The following THSD7A variants were observed in gnomAD, a reference collection of about 807,000 sequenced individuals.
The protein encoded by THSD7A is thrombospondin type 1 domain containing 7A.
THSD7A carries 96 observed loss-of-function variants against 231.3 expected under a neutral mutation model. The observed-to-expected ratio is 0.41, with a 90% CI of 0.35 to 0.49. The LOEUF (loss-of-function observed/expected upper bound fraction) is 0.49. Ranked by LOEUF, THSD7A falls within the 20% of genes least tolerant of loss-of-function variation. The probability of loss-of-function intolerance (pLI) is 0.05; values close to 1 mark genes in which losing one functional copy is unlikely to be tolerated. For missense variants in THSD7A, 2,290 were observed against 2,070.2 expected, an observed-to-expected ratio of 1.11 and a Z score of -2.06; for synonymous variants, 940 against 743.3, an observed-to-expected ratio of 1.26 and a Z score of -4.30.
intron 1 of THSD7A, among the ~76,000 whole-genome samples, chr7:11,719,292 AG>A (rs1465504771): frequency 6.6e-6 from 1 of 151,564 alleles, no homozygotes; most frequent in Non-Finnish European, 1.5e-5. Context: ...GAGTTCTCTC[AG>A]GTGACTTCTT....
intron 1 of THSD7A, among the ~76,000 whole-genome samples, chr7:11,691,064 A>G (rs1190563767): frequency 1.3e-5 from 2 of 151,676 alleles, no homozygotes; most frequent in Non-Finnish European, 3.0e-5. Flanking sequence ...GAAAATGTCC[A>G]TAATATGTTA....
intron 1 of THSD7A, among the ~76,000 whole-genome samples, chr7:11,687,844 G>T (rs1780105704): frequency 6.6e-6 from 1 of 151,618 alleles, no homozygotes; most frequent in Non-Finnish European, 1.5e-5. Flanking sequence ...TCTGCTGTCA[G>T]TTAAAATCAT....
At chr7:11,378,141 C>A (rs976979974) in intron 26 of THSD7A, 1 of 152,170 alleles carries the variant, frequency 6.6e-6, no homozygotes, top group Non-Finnish European at 1.5e-5. Context: ...AGTATTCAGA[C>A]TTAATGCATA....
intron 6 of THSD7A, among the ~76,000 whole-genome samples, chr7:11,540,868 C>T (rs982268101): frequency 2.0e-5 from 3 of 152,108 alleles, no homozygotes; most frequent in African/African-American, 7.2e-5. Context: ...CTAGGACATT[C>T]CTAAATAGTG....
intron 15 of THSD7A, among the ~76,000 whole-genome samples, chr7:11,426,074 TA>T (rs140925193): frequency 0.093 from 13,776 of 148,090 alleles, 854 homozygotes; most frequent in African/African-American, 0.17. Context: ...AAAAAAACAT[TA>T]AAAAAAAAAT....
intron 8 of THSD7A, among the ~76,000 whole-genome samples, chr7:11,472,326 G>C (rs1450836184): frequency 6.6e-6 from 1 of 152,064 alleles, no homozygotes; most frequent in African/African-American, 2.4e-5. Flanking sequence ...GGACAGATAA[G>C]ATCAATAACA....
chr7:11,406,817 CAT>C lies in THSD7A; in HGVS notation c.4062+91_4062+92del. The C allele has an allele frequency of 7.0e-7, 1 of 1,422,838 alleles. No individual in the cohort carries two copies. The highest frequency in any genetic ancestry group is 9.4e-7 in the Non-Finnish European group (1 of 1,061,754). 88.1% of individuals were successfully genotyped at this position (1,422,838 alleles called of 1,614,324 possible). A position where few individuals can be genotyped will look rare whatever the true frequency, so the allele number is the denominator to read the frequency against. ...AGCTTGTCATCTGTGAGCTCTGAAA[CAT>C]ATTTCTAACACATTATTTTTATGTT... On this transcript the variant is annotated intron_variant, in intron 21 of 27. Transcript: ENST00000423059. The surrounding 1 kb of genome is among the most constrained non-coding windows in gnomAD (Gnocchi z 4.7).
chr7:11,625,921 G>A (rs1781460351), intron 2 of THSD7A, among the ~76,000 whole-genome samples: 1 of 152,036 alleles, frequency 6.6e-6, no homozygotes, highest in South Asian at 2.1e-4. Flanking sequence ...TCACTGCCCC[G>A]ATCAGCAGCA....
At position 11,744,833 on chromosome 7, in the gene THSD7A, G is replaced by A. The variant is rs565771166; in HGVS notation, c.190+86924C>T. 4.7e-3 allele frequency among the ~76,000 whole-genome samples: 712 copies of A among 152,100 alleles called. 5 individuals carry two copies. The highest frequency in any genetic ancestry group is 0.016 in the African/African-American group (675 of 41,488). ...ATATGTGCCACATTTTCTTAATCCAGTCTATCATTTTTTGGACATTTGGCT... is the reference window on the plus strand; with the variant it reads ...ATATGTGCCACATTTTCTTAATCCAATCTATCATTTTTTGGACATTTGGCT... On this transcript the variant is annotated intron_variant, in intron 1 of 27. Transcript: ENST00000423059.
At chr7:11,679,825 C>G (rs1349722758) in intron 1 of THSD7A, among the ~76,000 whole-genome samples, 1 of 152,032 alleles carries the variant, frequency 6.6e-6, no homozygotes, top group Non-Finnish European at 1.5e-5. Context: ...TGCCTTTCTT[C>G]ATAGAATTGG....
In THSD7A at chr7:11,605,792, A is replaced by C. The variant is rs530060483; in HGVS notation, c.1023-12290T>G. On this transcript the variant is annotated intron_variant, in intron 2 of 27. Transcript: ENST00000423059. Reference sequence around the variant, plus strand: ...AGCAACTTCCAGCCCTCAGAATTGCACTGCTGTTTCTCTAAAGCTTTTTCA... The same window carrying C: ...AGCAACTTCCAGCCCTCAGAATTGCCCTGCTGTTTCTCTAAAGCTTTTTCA... Among the ~76,000 whole-genome samples, 6 of 152,210 alleles carry C rather than the reference A, an allele frequency of 3.9e-5. No homozygotes were observed. In the East Asian group the frequency reaches 1.2e-3, roughly 29 times the overall value.
chr7:11,375,927 A>G (rs780104773), intron 27 of THSD7A, 49 bp from the exon 28 acceptor site: 1 of 1,560,514 alleles, frequency 6.4e-7, no homozygotes, highest in Admixed American at 1.7e-5. Context: ...TTCTAATTGT[A>G]AATTTGATTG....
rs1562728058 is a variant in THSD7A, at chr7:11,568,656, C to CAAAAAAAA, written c.1453+21803_1453+21804insTTTTTTTT. Among the ~76,000 whole-genome samples, 45 of 88,656 alleles carry CAAAAAAAA rather than the reference C, an allele frequency of 5.1e-4. 5 individuals are homozygous for CAAAAAAAA. Among genetic ancestry groups the CAAAAAAAA allele is most frequent in the East Asian group, 1.5e-3 (4 of 2,582 alleles). 58.2% of individuals were successfully genotyped at this position (88,656 alleles called of 152,430 possible). A position where few individuals can be genotyped will look rare whatever the true frequency, so the allele number is the denominator to read the frequency against. ...AAAAAAAAAAAAAAAAAAAAAAAAC[C>CAAAAAAAA]AAAATCTGGAACAAGGTAAAGATGA... On this transcript the variant is annotated intron_variant, in intron 4 of 27. Transcript: ENST00000423059.
At chr7:11,650,885 A>T (rs1168836503) in intron 1 of THSD7A, among the ~76,000 whole-genome samples, 1 of 152,038 alleles carries the variant, frequency 6.6e-6, no homozygotes, top group Non-Finnish European at 1.5e-5. Flanking sequence ...TCTATGAACT[A>T]ATAAATGTTA....
intron 1 of THSD7A, among the ~76,000 whole-genome samples, chr7:11,641,675 G>T (rs1319498698): frequency 3.3e-5 from 5 of 151,844 alleles, no homozygotes; most frequent in Admixed American, 6.6e-5. Context: ...ATCTACTGAG[G>T]CTAAAGGAAA....
intron 1 of THSD7A, among the ~76,000 whole-genome samples, chr7:11,786,252 A>G (rs1783788692): frequency 6.6e-6 from 1 of 152,080 alleles, no homozygotes; most frequent in Admixed American, 6.6e-5. Context: ...TCCACAATAA[A>G]GACTAGCAAG....
intron 4 of THSD7A, among the ~76,000 whole-genome samples, chr7:11,559,015 T>C (rs1440076731): frequency 1.3e-5 from 2 of 152,030 alleles, no homozygotes; most frequent in African/African-American, 4.8e-5. Context: ...GCATAAAAGG[T>C]ACTTGATATG....
rs886321188 is a variant in THSD7A, at chr7:11,552,291, T to G, written c.1454-9174A>C. Among the ~76,000 whole-genome samples, 5 of 152,078 alleles carry G rather than the reference T, an allele frequency of 3.3e-5. 1 individual carries two copies. In the East Asian group the frequency reaches 9.7e-4, roughly 29 times the overall value. Reference sequence around the variant, plus strand: ...CCCATTTACCCATGTAACAAACCTGTACATATATCCCTGAACTTAAAAGTT... The same window carrying G: ...CCCATTTACCCATGTAACAAACCTGGACATATATCCCTGAACTTAAAAGTT... On this transcript the variant is annotated intron_variant, in intron 4 of 27. Coordinates refer to ENST00000423059, the MANE Select transcript of THSD7A (RefSeq NM_015204.3).
At chr7:11,557,944 T>G (rs1184225675) in intron 4 of THSD7A, among the ~76,000 whole-genome samples, 1 of 152,184 alleles carries the variant, frequency 6.6e-6, no homozygotes, top group Non-Finnish European at 1.5e-5. Context: ...GGTGAGGGTA[T>G]GGCCATGTTA....
Sources: allele counts gnomAD v4.1 joint callset (sites outside exome capture counted in the v4.1 genomes callset), GRCh38; gene constraint gnomAD v4.1.1; non-coding constraint Gnocchi (gnomAD v3.1); transcripts MANE v1.5; gene names NCBI Gene and HGNC (gene_info 2026-07-23, HGNC 2026-07-21).